Variants in SETD3 observed in about 807,000 individuals in gnomAD.
SETD3 encodes the protein actin-histidine N-methyltransferase.
SETD3 carries 19 observed loss-of-function variants against 63.0 expected under a neutral mutation model. The ratio of observed to expected loss-of-function variants is 0.30; its 90% CI spans 0.21 to 0.44. The LOEUF is 0.44. Among genes scored for constraint, SETD3 ranks in the 20% least tolerant of loss-of-function variants. The probability of loss-of-function intolerance (pLI) is 1.00; values close to 1 mark genes in which losing one functional copy is unlikely to be tolerated. For synonymous variants in SETD3, 286 were observed against 264.1 expected, an observed-to-expected ratio of 1.08 and a Z score of -0.80; for missense variants, 587 against 728.5, an observed-to-expected ratio of 0.81 and a Z score of 2.24.
At chr14:99,413,800 C>G (rs935049319) in intron 7 of SETD3, 76 bp downstream of exon 7, 2 of 1,396,096 alleles carry the variant, frequency 1.4e-6, no homozygotes, top group African/African-American at 2.8e-5. Flanking sequence ...CACTGAAGCC[C>G]TTCCCTCCCT....
At chr14:99,427,796 CTG>C (rs1447550925) in intron 6 of SETD3, among the ~76,000 whole-genome samples, 1 of 152,186 alleles carries the variant, frequency 6.6e-6, no homozygotes, top group Non-Finnish European at 1.5e-5. Context: ...GACAGGCAAA[CTG>C]TGACGTGTCA....
chr14:99,481,264 G>T, upstream of SETD3: 1 of 395,866 alleles, frequency 2.5e-6, no homozygotes, highest in Non-Finnish European at 4.4e-6. Context: ...CCACTGACCC[G>T]CGGGGCGGGC....
intron 6 of SETD3, among the ~76,000 whole-genome samples, chr14:99,445,178 A>T (rs1424337557): frequency 6.6e-6 from 1 of 152,238 alleles, no homozygotes; most frequent in Non-Finnish European, 1.5e-5. Flanking sequence ...CTCAAATTCG[A>T]AGAAATCAGG....
At chr14:99,412,644 AATAAG>A (rs1433643442) in intron 8 of SETD3, 3 of 263,080 alleles carry the variant, frequency 1.1e-5, no homozygotes, top group East Asian at 7.3e-5. Flanking sequence ...TCTGTGGTAC[AATAAG>A]ATAAGAAAAT....
At chr14:99,419,503 C>T (rs1003127294) in intron 6 of SETD3, among the ~76,000 whole-genome samples, 8 of 152,122 alleles carry the variant, frequency 5.3e-5, no homozygotes, top group African/African-American at 1.2e-4. Flanking sequence ...TGGCCGGGCG[C>T]GGTGGCTCAC....
At chr14:99,469,207 G>A (rs1048221302) in intron 1 of SETD3, among the ~76,000 whole-genome samples, 3 of 152,202 alleles carry the variant, frequency 2.0e-5, no homozygotes, top group Non-Finnish European at 4.4e-5. Context: ...ACAAACAGGT[G>A]TATAATTACA....
intron 8 of SETD3, chr14:99,409,902 C>T (rs965226295): frequency 7.8e-6 from 2 of 256,410 alleles, no homozygotes; most frequent in Non-Finnish European, 7.4e-6. Context: ...TTAAAAACCA[C>T]AGCGATATAG....
At chr14:99,486,447 G>A in the SETD3 span, among the ~76,000 whole-genome samples, 15 of 152,060 alleles carry the variant, frequency 9.9e-5, no homozygotes, top group Non-Finnish European at 1.5e-4. Context: ...CCCTCCATCC[G>A]TCAACATGAC....
intron 11 of SETD3, among the ~76,000 whole-genome samples, chr14:99,401,614 T>C (rs1891392754): frequency 6.6e-6 from 1 of 152,224 alleles, no homozygotes; most frequent in Non-Finnish European, 1.5e-5. Context: ...AGCTATCTAA[T>C]GTTCAAAAAA....
chr14:99,436,064 G>A (rs947380349), intron 6 of SETD3, among the ~76,000 whole-genome samples: 5 of 152,080 alleles, frequency 3.3e-5, no homozygotes, highest in Non-Finnish European at 7.4e-5. Flanking sequence ...GCCAAACAAA[G>A]GGGAAAGAGC....
intron 6 of SETD3, among the ~76,000 whole-genome samples, chr14:99,440,692 G>A (rs1271061565): frequency 3.3e-5 from 5 of 151,738 alleles, no homozygotes; most frequent in East Asian, 3.9e-4. Flanking sequence ...GAGAGCTCTC[G>A]GCATCTGTGG....
intron 1 of SETD3, among the ~76,000 whole-genome samples, chr14:99,467,402 A>G (rs185099928): frequency 1.2e-4 from 19 of 152,342 alleles, no homozygotes; most frequent in African/African-American, 4.1e-4. Context: ...AGAGAAAAAA[A>G]TCTCCCCATG....
upstream of SETD3, among the ~76,000 whole-genome samples, chr14:99,484,305 T>C (rs1896429072): frequency 6.6e-6 from 1 of 152,280 alleles, no homozygotes; most frequent in Non-Finnish European, 1.5e-5. Flanking sequence ...CTTGCAGACA[T>C]GCTGCAACGC....
At chr14:99,427,005 G>A (rs1014717661) in intron 6 of SETD3, among the ~76,000 whole-genome samples, 2 of 152,198 alleles carry the variant, frequency 1.3e-5, no homozygotes, top group Non-Finnish European at 2.9e-5. Context: ...AGAAGCAGGC[G>A]GTGATGTCAG....
chr14:99,428,902 A>G (rs1193435440), intron 6 of SETD3, among the ~76,000 whole-genome samples: 1 of 152,172 alleles, frequency 6.6e-6, no homozygotes, highest in Non-Finnish European at 1.5e-5. Context: ...CAGCTTTGAG[A>G]GAGACCCTGC....
At chr14:99,470,122 T>C (rs1895618064) in intron 1 of SETD3, among the ~76,000 whole-genome samples, 1 of 152,206 alleles carries the variant, frequency 6.6e-6, no homozygotes, top group African/African-American at 2.4e-5. Context: ...GGACTGCTCA[T>C]GTTCCTCCCT....
At chr14:99,410,007 T>C (rs942405924) in intron 8 of SETD3, 1 of 467,286 alleles carries the variant, frequency 2.1e-6, no homozygotes, top group Non-Finnish European at 3.9e-6. Flanking sequence ...AATAATTTTT[T>C]AAAAAGGCAG....
chr14:99,398,358 G>C lies in SETD3; in HGVS notation c.*321C>G, dbSNP rs112519989. ...ATGACAGGCCCACAAAAGTACAGCT[G>C]AGACGGGAACTGAATTCTTCCCCAG... On this transcript the variant is annotated 3_prime_UTR_variant, in exon 13 of 13. Transcript: ENST00000331768. 3.4e-5 allele frequency: 8 copies of C among 236,264 alleles called. No individual in the cohort carries two copies. In the East Asian group the frequency reaches 7.9e-4, roughly 23 times the overall value. The allele number at this position is 236,264 out of a possible 1,614,324, so 14.6% of individuals were successfully genotyped here. A position where few individuals can be genotyped will look rare whatever the true frequency, so the allele number is the denominator to read the frequency against.
chr14:99,458,098 T>G (rs1894860576), intron 6 of SETD3, among the ~76,000 whole-genome samples, 181 bp downstream of exon 6: 1 of 152,244 alleles, frequency 6.6e-6, no homozygotes, highest in African/African-American at 2.4e-5. Flanking sequence ...TATATATATG[T>G]AACCGCATTT....
Sources: allele counts gnomAD v4.1 joint callset (sites outside exome capture counted in the v4.1 genomes callset), GRCh38; gene constraint gnomAD v4.1.1; transcripts MANE v1.5; gene names NCBI Gene and HGNC (gene_info 2026-07-23, HGNC 2026-07-21).